ZUP1: variants seen among roughly 807,000 people sequenced by gnomAD.
The protein encoded by ZUP1 is zinc finger containing ubiquitin peptidase 1.
Under a neutral mutation model 68.1 loss-of-function variants are expected in ZUP1, and 55 were observed. That is an observed-to-expected ratio of 0.81 (90% CI 0.65 to 1.01). The LOEUF (loss-of-function observed/expected upper bound fraction) is 1.01, where lower values mean the gene tolerates loss of function less well. Among genes scored for constraint, ZUP1 ranks in the 50% least tolerant of loss-of-function variants. The pLI, the probability that ZUP1 is intolerant of heterozygous loss-of-function variation, is 0.00. For missense variants in ZUP1, 684 were observed against 674.9 expected (o/e 1.01, Z -0.15); for synonymous variants, 223 against 221.5 (o/e 1.01, Z -0.06).
At chr6:116,641,701 G>T (rs1196972748) in intron 9 of ZUP1, among the ~76,000 whole-genome samples, 1 of 151,878 alleles carries the variant, frequency 6.6e-6, no homozygotes, top group Admixed American at 6.6e-5. Context: ...TGTGTAGAGG[G>T]AAATTTATAG....
intron 9 of ZUP1, among the ~76,000 whole-genome samples, chr6:116,644,384 G>T (rs2115386617): frequency 1.3e-5 from 2 of 152,248 alleles, no homozygotes. Context: ...AAAGACACAT[G>T]CACACGTATG....
At chr6:116,658,664 T>C (rs1351168422) in intron 4 of ZUP1, 139 bp downstream of exon 4, 1 of 731,654 alleles carries the variant, frequency 1.4e-6, no homozygotes, top group African/African-American at 1.8e-5. Flanking sequence ...CTAGAATGAA[T>C]ATTTATAAAT....
intron 9 of ZUP1, among the ~76,000 whole-genome samples, chr6:116,642,484 C>A (rs1051018608): frequency 1.7e-4 from 26 of 152,100 alleles, no homozygotes; most frequent in Non-Finnish European, 3.5e-4. Flanking sequence ...AAACCTTATC[C>A]ACCATGATCA....
At chr6:116,648,184 C>T (rs1776372424) in intron 7 of ZUP1, among the ~76,000 whole-genome samples, 1 of 152,102 alleles carries the variant, frequency 6.6e-6, no homozygotes, top group South Asian at 2.1e-4. Flanking sequence ...TATTTGCCAC[C>T]GGACCACCGT....
At chr6:116,635,983 GATA>G (rs1268006700) in intron 9 of ZUP1, 104 bp from the exon 10 acceptor site, 3 of 733,750 alleles carry the variant, frequency 4.1e-6, no homozygotes, top group Non-Finnish European at 6.0e-6. Context: ...TTTTTTTCAA[GATA>G]ATAATGAAAA....
intron 9 of ZUP1, 109 bp from the exon 10 acceptor site, chr6:116,635,988 T>C (rs1005640399): frequency 2.5e-5 from 18 of 707,450 alleles, no homozygotes; most frequent in Middle Eastern, 4.3e-4. Flanking sequence ...TTCAAGATAA[T>C]AATGAAAATT....
intron 7 of ZUP1, 94 bp downstream of exon 7, chr6:116,651,478 A>C (rs1776489236): frequency 8.8e-7 from 1 of 1,131,868 alleles, no homozygotes; most frequent in Admixed American, 2.9e-5. Context: ...ACTTAATTTT[A>C]TTTTTAAACT....
At chr6:116,660,886 T>A in intron 2 of ZUP1, 40 bp from the exon 3 acceptor site, 1 of 1,226,100 alleles carries the variant, frequency 8.2e-7, no homozygotes. Flanking sequence ...TATTTTTTTA[T>A]TTTAATTTTT....
chr6:116,659,662 G>C (rs1776778001), intron 3 of ZUP1, among the ~76,000 whole-genome samples: 1 of 151,844 alleles, frequency 6.6e-6, no homozygotes, highest in African/African-American at 2.4e-5. Context: ...CATTTACAAA[G>C]TGCAGGTGTT....
At chr6:116,663,305 T>C (rs1776901024) in intron 2 of ZUP1, among the ~76,000 whole-genome samples, 1 of 152,232 alleles carries the variant, frequency 6.6e-6, no homozygotes, top group African/African-American at 2.4e-5. Flanking sequence ...ATCTTCTCTA[T>C]ATGATAATCA....
At chr6:116,638,897 G>A (rs1049057262) in intron 9 of ZUP1, among the ~76,000 whole-genome samples, 7 of 152,224 alleles carry the variant, frequency 4.6e-5, no homozygotes, top group African/African-American at 1.4e-4. Context: ...TGCCTCACTC[G>A]GGAAGCGCAA....
At chr6:116,667,471 G>A (rs187918372) in intron 1 of ZUP1, among the ~76,000 whole-genome samples, 5 of 151,488 alleles carry the variant, frequency 3.3e-5, no homozygotes, top group Admixed American at 3.3e-4. Flanking sequence ...GCCCAAGGTG[G>A]AGAAAAAATA....
intron 2 of ZUP1, among the ~76,000 whole-genome samples, chr6:116,665,684 ATCC>A (rs1776981716): frequency 1.4e-5 from 2 of 144,990 alleles, no homozygotes; most frequent in Non-Finnish European, 3.0e-5. Flanking sequence ...GGCTCAGGTG[ATCC>A]TCCTATTTCA....
chr6:116,637,266 C>T (rs948077553), intron 9 of ZUP1, among the ~76,000 whole-genome samples: 3 of 152,122 alleles, frequency 2.0e-5, no homozygotes, highest in African/African-American at 7.2e-5. Flanking sequence ...TCTGCCTCAG[C>T]ATCCTCTTTT....
chr6:116,651,405 G>A (rs920462198), intron 7 of ZUP1, among the ~76,000 whole-genome samples, 167 bp downstream of exon 7: 5 of 152,074 alleles, frequency 3.3e-5, no homozygotes, highest in East Asian at 1.9e-4. Flanking sequence ...AGAACTTGAG[G>A]GTAGAGAAGA....
At chr6:116,654,297 G>A (rs1327577235) in intron 5 of ZUP1, among the ~76,000 whole-genome samples, 1 of 151,764 alleles carries the variant, frequency 6.6e-6, no homozygotes, top group Non-Finnish European at 1.5e-5. Flanking sequence ...ACAAATAGGT[G>A]GAGAAAATGC....
intron 5 of ZUP1, among the ~76,000 whole-genome samples, chr6:116,652,842 AG>A (rs1394126180): frequency 1.3e-5 from 2 of 152,094 alleles, no homozygotes; most frequent in Non-Finnish European, 2.9e-5. Flanking sequence ...TAATTAGAAT[AG>A]TTCTAATCTA....
chr6:116,660,601 C>T (rs1776804311), intron 3 of ZUP1, 135 bp downstream of exon 3: 4 of 565,580 alleles, frequency 7.1e-6, no homozygotes, highest in African/African-American at 1.9e-5. Flanking sequence ...ATGGCCTCAA[C>T]TTGTAAATAA....
At chr6:116,636,354 A>G (rs1047056677) in intron 9 of ZUP1, among the ~76,000 whole-genome samples, 1 of 152,206 alleles carries the variant, frequency 6.6e-6, no homozygotes, top group Non-Finnish European at 1.5e-5. Context: ...AAATTAAGTT[A>G]AATCAAGCTG....
Sources: gnomAD v4.1 joint callset for allele counts (sites outside exome capture counted in the v4.1 genomes callset) on GRCh38, gnomAD v4.1.1 for gene constraint, MANE v1.5 for transcripts, NCBI Gene and HGNC (gene_info 2026-07-23, HGNC 2026-07-21) for gene names.